DCBLD1: variants seen among roughly 807,000 people sequenced by gnomAD.
DCBLD1 encodes the protein discoidin, CUB and LCCL domain-containing protein 1.
Under a neutral mutation model 71.5 loss-of-function variants are expected in DCBLD1, and 57 were observed. The observed-to-expected ratio is 0.80, with a 90% CI of 0.64 to 0.99. DCBLD1 has a LOEUF of 0.99. Ranked by LOEUF, DCBLD1 falls within the 50% of genes least tolerant of loss-of-function variation. The pLI is 0.00. For synonymous variants in DCBLD1, 380 were observed against 363.8 expected, an observed-to-expected ratio of 1.04 and a Z score of -0.51; for missense variants, 891 against 923.5, an observed-to-expected ratio of 0.96 and a Z score of 0.46.
intron 11 of DCBLD1, among the ~76,000 whole-genome samples, chr6:117,542,569 T>C (rs1216018198): frequency 1.3e-5 from 2 of 152,082 alleles, no homozygotes; most frequent in African/African-American, 4.8e-5. Flanking sequence ...AAACATGATG[T>C]GGTGTTTCAT....
intron 1 of DCBLD1, among the ~76,000 whole-genome samples, chr6:117,500,005 C>T (rs1209827094): frequency 2.0e-5 from 3 of 152,098 alleles, no homozygotes; most frequent in South Asian, 2.1e-4. Context: ...GCAACAAAAG[C>T]GAAAGTCCGT....
chr6:117,560,509 C>T (rs898700397), intron 14 of DCBLD1: 1 of 194,486 alleles, frequency 5.1e-6, no homozygotes, highest in Non-Finnish European at 1.1e-5. Flanking sequence ...TCACATGAAA[C>T]CTTTTTGTTT....
rs1377621150 is a variant in DCBLD1 at position 117,543,162 on chromosome 6, CTTG to C, written c.1401_1403del (p.Val468del). On this transcript the variant is annotated inframe_deletion, in exon 12 of 15. Coordinates refer to ENST00000338728, the MANE Select transcript of DCBLD1 (RefSeq NM_001366458.2). ...AACGGTGGCTATTCCATTGGTGCTCCTTGTTGTCCTGGTGTTTGCTGGAATGGG... is the reference window on the plus strand; with the variant it reads ...AACGGTGGCTATTCCATTGGTGCTCCTTGTCCTGGTGTTTGCTGGAATGGG... The C allele has an allele frequency of 5.0e-6, 8 of 1,614,052 alleles. No homozygotes were observed. In the Admixed American group the frequency reaches 8.3e-5, roughly 17 times the overall value.
intron 1 of DCBLD1, among the ~76,000 whole-genome samples, chr6:117,494,032 G>T (rs1279990183): frequency 6.6e-6 from 1 of 152,114 alleles, no homozygotes; most frequent in Non-Finnish European, 1.5e-5. Context: ...ATCAGATATG[G>T]TTGTCATGAA....
intron 1 of DCBLD1, among the ~76,000 whole-genome samples, chr6:117,498,456 G>A (rs1692940264): frequency 6.6e-6 from 1 of 152,162 alleles, no homozygotes; most frequent in South Asian, 2.1e-4. Context: ...ACTTTGAAGA[G>A]TGGTCAAATT....
intron 5 of DCBLD1, among the ~76,000 whole-genome samples, chr6:117,529,742 C>A (rs72963494): frequency 6.6e-6 from 1 of 152,184 alleles, no homozygotes; most frequent in Non-Finnish European, 1.5e-5. Context: ...GATAGTGAGA[C>A]TTGATGGCTA....
At chr6:117,504,470 G>C (rs1232602661) in intron 2 of DCBLD1, among the ~76,000 whole-genome samples, 1 of 152,264 alleles carries the variant, frequency 6.6e-6, no homozygotes. Flanking sequence ...GAAAACGAAG[G>C]CATCCAAAGG....
chr6:117,548,779 A>G lies in DCBLD1; in HGVS notation c.*340A>G. 8.8e-7 allele frequency: 1 copy of G among 1,134,518 alleles called. No individual in the cohort carries two copies. The highest frequency in any genetic ancestry group is 2.8e-5 in the South Asian group (1 of 35,904). 70.3% of individuals were successfully genotyped at this position (1,134,518 alleles called of 1,614,324 possible). A position where few individuals can be genotyped will look rare whatever the true frequency, so the allele number is the denominator to read the frequency against. On this transcript the variant is annotated 3_prime_UTR_variant, in exon 15 of 15. Coordinates refer to ENST00000338728, the MANE Select transcript of DCBLD1 (RefSeq NM_001366458.2). Reference sequence around the variant, plus strand: ...AGTTGTATTTAACAATAATAAAAGTAACTTAAGTTTGCTCTATCAGATTTT... The same window carrying G: ...AGTTGTATTTAACAATAATAAAAGTGACTTAAGTTTGCTCTATCAGATTTT...
intron 11 of DCBLD1, 108 bp from the exon 12 acceptor site, chr6:117,543,016 C>A: frequency 1.2e-6 from 1 of 862,646 alleles, no homozygotes; most frequent in Non-Finnish European, 1.9e-6. Flanking sequence ...TCATTTTCCC[C>A]CTATATTAAA....
chr6:117,527,157 G>A (rs1460922598), intron 5 of DCBLD1, among the ~76,000 whole-genome samples: 1 of 152,112 alleles, frequency 6.6e-6, no homozygotes, highest in Non-Finnish European at 1.5e-5. Context: ...TTGAGCAAAG[G>A]GATCTCCTAG....
chr6:117,536,120 G>A (rs1778874273), intron 6 of DCBLD1, among the ~76,000 whole-genome samples: 1 of 152,144 alleles, frequency 6.6e-6, no homozygotes, highest in Admixed American at 6.5e-5. Flanking sequence ...TTAGACTCTT[G>A]GCCAGAGTAC....
chr6:117,497,614 G>T (rs1389104942), intron 1 of DCBLD1, among the ~76,000 whole-genome samples: 1 of 152,168 alleles, frequency 6.6e-6, no homozygotes, highest in Non-Finnish European at 1.5e-5. Context: ...CCATATCTCT[G>T]TAACTCTGTC....
chr6:117,563,518 TCGAG>T, intron 14 of DCBLD1: 3 of 750,930 alleles, frequency 4.0e-6, no homozygotes, highest in Non-Finnish European at 6.6e-6. Context: ...GGTTAGGGGT[TCGAG>T]ACCAGCCTGG....
chr6:117,499,864 C>A (rs1006195091), intron 1 of DCBLD1, among the ~76,000 whole-genome samples: 1 of 152,066 alleles, frequency 6.6e-6, no homozygotes, highest in Non-Finnish European at 1.5e-5. Flanking sequence ...ACTAAAAATA[C>A]AAAATTAGCT....
In DCBLD1 at chr6:117,482,913, C is replaced by G; in HGVS notation, c.112+20C>G. 8.5e-7 allele frequency: 1 copy of G among 1,183,290 alleles called. No individual in the cohort carries two copies. Among genetic ancestry groups the G allele is most frequent in the Non-Finnish European group, 1.0e-6 (1 of 955,622 alleles). 73.3% of individuals were successfully genotyped at this position (1,183,290 alleles called of 1,614,324 possible). On this transcript the variant is annotated intron_variant, in intron 1 of 14. Coordinates refer to ENST00000338728, the MANE Select transcript of DCBLD1 (RefSeq NM_001366458.2). ...AGCTGGGTGAGTGGAGCGCGTCCGG[C>G]TGGCGGCGGGACCCGAGGCGCCAGG...
chr6:117,527,135 A>C (rs1031661750), intron 5 of DCBLD1, among the ~76,000 whole-genome samples: 1 of 152,236 alleles, frequency 6.6e-6, no homozygotes, highest in South Asian at 2.1e-4. Context: ...CAAAGCAAAC[A>C]AGGGAGAGTC....
chr6:117,505,767 G>A (rs374900789), intron 2 of DCBLD1, among the ~76,000 whole-genome samples: 2 of 152,096 alleles, frequency 1.3e-5, no homozygotes, highest in African/African-American at 2.4e-5. Flanking sequence ...GAGTTCAAGC[G>A]ATACAGCCTG....
At chr6:117,544,476 G>A in intron 12 of DCBLD1, 52 bp from the exon 13 acceptor site, 1 of 1,587,082 alleles carries the variant, frequency 6.3e-7, no homozygotes, top group Non-Finnish European at 8.6e-7. Context: ...TAGGGAGAGA[G>A]AGGCAGATAC....
At chr6:117,534,637 A>G (rs1778827121) in intron 6 of DCBLD1, among the ~76,000 whole-genome samples, 1 of 152,130 alleles carries the variant, frequency 6.6e-6, no homozygotes, top group Non-Finnish European at 1.5e-5. Context: ...TTTAACTTGG[A>G]TTTTATCTTA....
Sources: gnomAD v4.1 joint callset for allele counts (sites outside exome capture counted in the v4.1 genomes callset) on GRCh38, gnomAD v4.1.1 for gene constraint, MANE v1.5 for transcripts, NCBI Gene and HGNC (gene_info 2026-07-23, HGNC 2026-07-21) for gene names.